The following WWOX variants were observed in gnomAD, a reference collection of about 807,000 sequenced individuals.
WWOX encodes the protein WW domain-containing oxidoreductase.
In WWOX, 69 loss-of-function variants were observed where a neutral mutation model predicts 46.2. The ratio of observed to expected loss-of-function variants is 1.49; its 90% confidence interval spans 1.23 to 1.82. The LOEUF is 1.82. Ranked by LOEUF, WWOX falls within the 40% of genes most tolerant of loss-of-function variation. WWOX has a pLI of 0.00. For synonymous variants in WWOX, 359 were observed against 202.6 expected, an observed-to-expected ratio of 1.77 and a Z score of -6.56; for missense variants, 919 against 542.6, an observed-to-expected ratio of 1.69 and a Z score of -6.89.
At chr16:78,725,758 C>G (rs570528931) in intron 8 of WWOX, among the ~76,000 whole-genome samples, 2 of 152,198 alleles carry the variant, frequency 1.3e-5, no homozygotes, top group African/African-American at 4.8e-5. Flanking sequence ...CACGTTCTTT[C>G]TGAAGGCTCC....
chr16:78,949,563 C>G (rs1014474618), intron 8 of WWOX, among the ~76,000 whole-genome samples: 1 of 152,206 alleles, frequency 6.6e-6, no homozygotes, highest in African/African-American at 2.4e-5. Flanking sequence ...AACCCCAACA[C>G]ATAATGCTGT....
intron 8 of WWOX, among the ~76,000 whole-genome samples, chr16:79,189,457 G>GTGTGTGT (rs1443360666): frequency 1.3e-5 from 2 of 148,512 alleles, no homozygotes; most frequent in African/African-American, 5.1e-5. Context: ...GTGTGTGTGT[G>GTGTGTGT]TGTGTGTGTG....
At chr16:78,932,963 G>A (rs2045656474) in intron 8 of WWOX, among the ~76,000 whole-genome samples, 2 of 152,186 alleles carry the variant, frequency 1.3e-5, no homozygotes, top group South Asian at 4.1e-4. Context: ...TGAAACATCA[G>A]TGTTGAATCA....
intron 8 of WWOX, among the ~76,000 whole-genome samples, chr16:78,646,489 G>A (rs564540034): frequency 2.0e-5 from 3 of 152,028 alleles, no homozygotes; most frequent in Admixed American, 6.5e-5. Flanking sequence ...GTGCAGTGGC[G>A]TGATCTTAGC....
chr16:78,373,383 T>A (rs188197543), intron 5 of WWOX, among the ~76,000 whole-genome samples: 1 of 152,328 alleles, frequency 6.6e-6, no homozygotes, highest in African/African-American at 2.4e-5. Context: ...TATTATAACT[T>A]AACGTTTATC....
At chr16:78,311,337 A>AC (rs1383080655) in intron 5 of WWOX, among the ~76,000 whole-genome samples, 1 of 152,196 alleles carries the variant, frequency 6.6e-6, no homozygotes, top group African/African-American at 2.4e-5. Flanking sequence ...TGAACACTTA[A>AC]CAGAGTCAAG....
intron 8 of WWOX, among the ~76,000 whole-genome samples, chr16:78,915,580 A>G (rs540616178): frequency 3.3e-5 from 5 of 152,210 alleles, no homozygotes; most frequent in Non-Finnish European, 7.3e-5. Flanking sequence ...GAAAAATTGC[A>G]CTGTGACATT....
intron 8 of WWOX, among the ~76,000 whole-genome samples, chr16:78,764,635 G>A (rs374677532): frequency 6.8e-6 from 1 of 146,996 alleles, no homozygotes; most frequent in East Asian, 2.0e-4. Context: ...TTGATTCCTG[G>A]CTTTCCAACA....
intron 5 of WWOX, among the ~76,000 whole-genome samples, chr16:78,216,512 G>T (rs963872696): frequency 7.6e-6 from 1 of 130,870 alleles, no homozygotes; most frequent in Non-Finnish European, 1.6e-5. Context: ...TGGAGGCTCT[G>T]GGGGAAGGTC....
At chr16:78,408,793 T>A (rs2082606752) in intron 6 of WWOX, among the ~76,000 whole-genome samples, 2 of 151,592 alleles carry the variant, frequency 1.3e-5, no homozygotes, top group South Asian at 4.2e-4. Context: ...CTTTGGGAGG[T>A]AGGAAGGGTT....
chr16:78,330,475 C>T (rs1464448389), intron 5 of WWOX, among the ~76,000 whole-genome samples: 1 of 152,010 alleles, frequency 6.6e-6, no homozygotes, highest in African/African-American at 2.4e-5. Flanking sequence ...CAGCTCACTA[C>T]AATCTCTGCC....
At chr16:78,919,052 G>A (rs1043468293) in intron 8 of WWOX, among the ~76,000 whole-genome samples, 2 of 152,066 alleles carry the variant, frequency 1.3e-5, no homozygotes, top group Non-Finnish European at 2.9e-5. Flanking sequence ...CATAGCAGCC[G>A]CTGCCAAGGG....
chr16:78,864,411 G>A (rs1049660102), intron 8 of WWOX, among the ~76,000 whole-genome samples: 8 of 152,018 alleles, frequency 5.3e-5, no homozygotes, highest in African/African-American at 1.9e-4. Flanking sequence ...GGGACCACAG[G>A]CGCATGCCAC....
chr16:79,069,518 G>A (rs2048508775), intron 8 of WWOX, among the ~76,000 whole-genome samples: 1 of 150,704 alleles, frequency 6.6e-6, no homozygotes, highest in South Asian at 2.1e-4. Context: ...CAACCTATTG[G>A]CAGGAAAAGG....
chr16:78,278,909 A>G (rs963471726), intron 5 of WWOX, among the ~76,000 whole-genome samples: 1 of 152,128 alleles, frequency 6.6e-6, no homozygotes, highest in African/African-American at 2.4e-5. Flanking sequence ...GTGTACGTGT[A>G]TACATGTGTT....
intron 7 of WWOX, among the ~76,000 whole-genome samples, chr16:78,427,535 C>A (rs531624233): frequency 6.6e-6 from 1 of 150,790 alleles, no homozygotes; most frequent in East Asian, 1.9e-4. Context: ...CACATACACG[C>A]ACGCACGCAC....
At chr16:78,232,086 A>G (rs1215940215) in intron 5 of WWOX, among the ~76,000 whole-genome samples, 18 of 152,198 alleles carry the variant, frequency 1.2e-4, no homozygotes. Flanking sequence ...GAGAATATAT[A>G]TAAAATGGTA....
chr16:78,660,218 G>A (rs1428643337), intron 8 of WWOX, among the ~76,000 whole-genome samples: 1 of 152,092 alleles, frequency 6.6e-6, no homozygotes, highest in Non-Finnish European at 1.5e-5. Flanking sequence ...TCAGCAGGAG[G>A]GAGGTTATTA....
intron 5 of WWOX, among the ~76,000 whole-genome samples, chr16:78,180,265 A>G (rs116096223): frequency 0.032 from 4,855 of 152,272 alleles, 256 homozygotes; most frequent in African/African-American, 0.11. Flanking sequence ...GAGTGGACTC[A>G]TAATCCAGCT....
Sources: allele counts gnomAD v4.1 joint callset (sites outside exome capture counted in the v4.1 genomes callset), GRCh38; gene constraint gnomAD v4.1.1; transcripts MANE v1.5; gene names NCBI Gene and HGNC (gene_info 2026-07-23, HGNC 2026-07-21).